The following ZNF407 variants were observed in gnomAD, a reference collection of about 807,000 sequenced individuals.
ZNF407 encodes the protein zinc finger protein 407.
A neutral mutation model predicts 131.2 loss-of-function variants in ZNF407; 17 were observed. The observed-to-expected ratio is 0.13, with a 90% CI of 0.09 to 0.19. The LOEUF (loss-of-function observed/expected upper bound fraction) is 0.19, where lower values mean the gene tolerates loss of function less well. ZNF407 is among the 10% of genes least tolerant of loss of function. The probability of loss-of-function intolerance (pLI) is 1.00; values close to 1 mark genes in which losing one functional copy is unlikely to be tolerated. For missense variants in ZNF407, 2,681 were observed against 2,830.6 expected, an observed-to-expected ratio of 0.95 and a Z score of 1.20; for synonymous variants, 1,156 against 1,062.0, an observed-to-expected ratio of 1.09 and a Z score of -1.72.
chr18:74,844,851 TA>T lies in ZNF407; in HGVS notation c.4878-32343del, dbSNP rs1014108125. ...CCACCAATAAAGGACTCTTCAATGT[TA>T]AACTCATCCTTGATGCGTCTGCCCT... is the stretch of plus-strand genomic sequence containing the variant. On this transcript the variant is annotated intron_variant, in intron 4 of 8. Coordinates refer to ENST00000299687, the MANE Select transcript of ZNF407 (RefSeq NM_017757.3). Among the ~76,000 whole-genome samples, 102 of 152,322 alleles carry T rather than the reference TA, an allele frequency of 6.7e-4. 2 individuals carry two copies. The highest frequency in any genetic ancestry group is 2.4e-3 in the African/African-American group (100 of 41,576).
intron 4 of ZNF407, among the ~76,000 whole-genome samples, chr18:74,858,076 T>C (rs1970885072): frequency 7.5e-6 from 1 of 133,782 alleles, no homozygotes; most frequent in African/African-American, 2.8e-5. Context: ...CATTTCCTAC[T>C]TCCCCTCCTT....
At chr18:74,620,153 A>AT (rs1372307928) in intron 1 of ZNF407, among the ~76,000 whole-genome samples, 1 of 152,208 alleles carries the variant, frequency 6.6e-6, no homozygotes, top group Non-Finnish European at 1.5e-5. Context: ...CAAAAGATAT[A>AT]TTTGTCAGAG....
At position 74,804,026 on chromosome 18, in the gene ZNF407, C is replaced by A. The variant is rs373502908; in HGVS notation, c.4877+22524C>A. 3.5e-5 allele frequency: 55 copies of A among 1,551,692 alleles called. No individual in the cohort carries two copies. In the South Asian group the frequency reaches 6.4e-4, roughly 18 times the overall value. On this transcript the variant is annotated intron_variant, in intron 4 of 8. Transcript: ENST00000299687. ...GGAATACAGAACAACAGGAACGCGT[C>A]GAGTGCCTCTGAAGCCCAAAGTCTT...
chr18:74,634,180 A>G lies in ZNF407; in HGVS notation c.3161A>G (p.Tyr1054Cys), dbSNP rs765188636. 7 of 1,613,900 alleles carry G rather than the reference A, an allele frequency of 4.3e-6. No homozygotes were observed. The South Asian group carries it at 5.5e-5, about 13-fold the overall frequency. ...FEFYCMACDYYAVTRREMTRH... is the reference protein window; with the variant it reads ...FEFYCMACDYCAVTRREMTRH... The stretch of plus-strand genomic sequence containing the variant: ...TTTTATTGCATGGCATGCGATTACT[A>G]CGCGGTGACTCGTCGCGAGATGACC... Residue 1054 changes from tyrosine to cysteine, a missense_variant, in exon 2 of 9, where the codon TAC becomes TGC. Physicochemically the swap from Tyr to Cys is radical, Grantham distance 194. Transcript: ENST00000299687.
Position 74,631,339 on chromosome 18 carries a change from C to T in ZNF407, c.320C>T (p.Ala107Val), listed in dbSNP as rs1427430046. The T allele has an allele frequency of 4.3e-6, 7 of 1,613,862 alleles. No homozygotes were observed. The African/African-American group carries it at 8.0e-5, about 18-fold the overall frequency. Residue 107 changes from alanine (A) to valine (V), a missense_variant, in exon 2 of 9, where the codon GCA (alanine) becomes GTA (valine). Ala to Val is a moderately conservative substitution (Grantham distance 64, BLOSUM62 0). Transcript: ENST00000299687. ...AGCTCAGTCACAGAAGGGGGTATTG[C>T]ATTAGATGAAACAGGGAAGGAGACC... The part of the protein sequence containing the change: ...SESSVTEGGI[A>V]LDETGKETFL...
intron 7 of ZNF407, among the ~76,000 whole-genome samples, chr18:74,892,052 A>G (rs1249991706): frequency 6.6e-6 from 1 of 152,214 alleles, no homozygotes; most frequent in Non-Finnish European, 1.5e-5. Flanking sequence ...AAATTCCACA[A>G]ATAAAACAGA....
At chr18:75,059,855 C>T (rs1476334788) in intron 8 of ZNF407, among the ~76,000 whole-genome samples, 2 of 152,216 alleles carry the variant, frequency 1.3e-5, no homozygotes, top group African/African-American at 4.8e-5. Flanking sequence ...GGGACCTGCA[C>T]GCCCACCCTC....
chr18:74,864,226 G>A (rs191922418), intron 4 of ZNF407, among the ~76,000 whole-genome samples: 1 of 152,232 alleles, frequency 6.6e-6, no homozygotes, highest in African/African-American at 2.4e-5. Context: ...ATAACCTTTG[G>A]TAACATGCCT....
chr18:74,749,649 A>C (rs916739432), intron 3 of ZNF407, among the ~76,000 whole-genome samples: 1 of 152,198 alleles, frequency 6.6e-6, no homozygotes, highest in African/African-American at 2.4e-5. Context: ...CTTACCACAA[A>C]TTTCAGAATT....
At chr18:74,674,476 T>C (rs1986275918) in intron 3 of ZNF407, among the ~76,000 whole-genome samples, 1 of 150,202 alleles carries the variant, frequency 6.7e-6, no homozygotes. Flanking sequence ...TGGTCAATGA[T>C]CAATACCTTT....
chr18:74,847,372 C>G (rs965160977), intron 4 of ZNF407, among the ~76,000 whole-genome samples: 18 of 152,244 alleles, frequency 1.2e-4, no homozygotes, highest in Non-Finnish European at 2.2e-4. Context: ...CTGAAAAATA[C>G]TTGGCTTTCT....
At chr18:74,664,079 C>T (rs947424932) in intron 3 of ZNF407, among the ~76,000 whole-genome samples, 2 of 152,198 alleles carry the variant, frequency 1.3e-5, no homozygotes, top group Non-Finnish European at 2.9e-5. Flanking sequence ...ATTCCCAGAT[C>T]TGGGAATTGC....
chr18:74,756,986 T>C (rs500034), intron 3 of ZNF407, among the ~76,000 whole-genome samples: 1,641 of 152,180 alleles, frequency 0.011, 35 homozygotes, highest in African/African-American at 0.036. Context: ...CTTCTTTCTT[T>C]TTTCTTCTTC....
In ZNF407 at chr18:74,875,758, G is replaced by A. The variant is rs891897089; in HGVS notation, c.4878-1439G>A. 3.3e-5 allele frequency among the ~76,000 whole-genome samples: 5 copies of A among 152,116 alleles called. 1 individual carries two copies. Among genetic ancestry groups the A allele is most frequent in the African/African-American group, 1.2e-4 (5 of 41,440 alleles). On this transcript the variant is annotated intron_variant, in intron 4 of 8. Transcript: ENST00000299687. ...TATAGTAATTTCAAAGTTAGTCCAT[G>A]TTAACGGGTGTAAATATAGTATCTC...
intron 8 of ZNF407, among the ~76,000 whole-genome samples, chr18:75,059,001 A>G (rs1408474120): frequency 1.3e-5 from 2 of 152,222 alleles, no homozygotes; most frequent in Admixed American, 6.5e-5. Flanking sequence ...TTGCTGAATC[A>G]AAAGATGGAC....
chr18:75,046,085 A>G (rs1973432343), intron 8 of ZNF407, among the ~76,000 whole-genome samples: 1 of 152,246 alleles, frequency 6.6e-6, no homozygotes, highest in South Asian at 2.1e-4. Flanking sequence ...TGGGCCAAAT[A>G]TGGTAACTGT....
chr18:74,976,514 T>G (rs576475146), intron 8 of ZNF407, among the ~76,000 whole-genome samples: 1 of 152,244 alleles, frequency 6.6e-6, no homozygotes, highest in Admixed American at 6.6e-5. Flanking sequence ...GTGCTGTCAG[T>G]TAGGGCAATT....
intron 3 of ZNF407, among the ~76,000 whole-genome samples, chr18:74,656,771 A>G (rs1259797676): frequency 1.3e-5 from 2 of 152,200 alleles, no homozygotes; most frequent in Non-Finnish European, 2.9e-5. Context: ...AAGATTGTTG[A>G]GTAATGTATA....
At chr18:74,826,009 C>T (rs1970404991) in intron 4 of ZNF407, among the ~76,000 whole-genome samples, 1 of 152,172 alleles carries the variant, frequency 6.6e-6, no homozygotes, top group South Asian at 2.1e-4. Flanking sequence ...ACTTTTTAAT[C>T]TACGGTTGTA....
Sources: allele counts gnomAD v4.1 joint callset (sites outside exome capture counted in the v4.1 genomes callset), GRCh38; gene constraint gnomAD v4.1.1; transcripts MANE v1.5; gene names NCBI Gene and HGNC (gene_info 2026-07-23, HGNC 2026-07-21).